Variants in CRIM1 observed in about 807,000 individuals in gnomAD.
CRIM1 encodes the protein cysteine rich transmembrane BMP regulator 1.
A neutral mutation model predicts 116.4 loss-of-function variants in CRIM1; 32 were observed. The ratio of observed to expected loss-of-function variants is 0.27; its 90% CI spans 0.21 to 0.37. CRIM1 has a LOEUF of 0.37. Among genes scored for constraint, CRIM1 ranks in the 10% least tolerant of loss-of-function variants. The pLI is 1.00. For missense variants in CRIM1, 1,331 were observed against 1,354.8 expected (o/e 0.98, Z 0.28); for synonymous variants, 590 against 509.2 (o/e 1.16, Z -2.13).
At chr2:36,505,876 G>T (rs1211771854) in intron 8 of CRIM1, among the ~76,000 whole-genome samples, 1 of 152,168 alleles carries the variant, frequency 6.6e-6, no homozygotes, top group Non-Finnish European at 1.5e-5. Flanking sequence ...CTGCCATGCA[G>T]TTCAAACACA....
chr2:36,517,273 G>A, intron 11 of CRIM1, 54 bp from the exon 12 acceptor site: 2 of 1,441,600 alleles, frequency 1.4e-6, no homozygotes, highest in Non-Finnish European at 2.0e-6. Context: ...AGGCTTTCAA[G>A]AGTTGGAAAG....
intron 2 of CRIM1, among the ~76,000 whole-genome samples, chr2:36,425,673 T>G (rs3770900): frequency 0.49 from 74,035 of 151,972 alleles, 18,489 homozygotes; most frequent in East Asian, 0.71. Flanking sequence ...GGTGACAAAT[T>G]CCATTATCAG....
intron 1 of CRIM1, among the ~76,000 whole-genome samples, chr2:36,368,660 T>A (rs188908780): frequency 1.8e-4 from 28 of 152,356 alleles, no homozygotes. Context: ...ATAAGTCTGC[T>A]GAATGTGAAA....
chr2:36,540,035 G>A (rs535054038), intron 14 of CRIM1, among the ~76,000 whole-genome samples: 43 of 152,252 alleles, frequency 2.8e-4, no homozygotes, highest in African/African-American at 9.9e-4. Flanking sequence ...GACTGAGCAG[G>A]TGCAGAGGGC....
At position 36,518,993 on chromosome 2, in the gene CRIM1, G is replaced by A. The variant is rs1354713335; in HGVS notation, c.2206+1451G>A. 2.6e-5 allele frequency among the ~76,000 whole-genome samples: 4 copies of A among 152,112 alleles called. No homozygotes were observed. The East Asian group carries it at 5.8e-4, about 22-fold the overall frequency. On this transcript the variant is annotated intron_variant, in intron 12 of 16. Transcript: ENST00000280527. The stretch of plus-strand genomic sequence containing the variant: ...AAAGCCAAACAATCCAATATTCCAC[G>A]TTAAGTCAATAATGATAAAGTAAGA...
In CRIM1 at chr2:36,510,078, C is replaced by T. The variant is rs754004072; in HGVS notation, c.1597C>T (p.Arg533Cys). Residue 533 changes from arginine to cysteine, a missense_variant, in exon 9 of 17, where the codon CGC becomes TGC. Arg to Cys is a radical substitution (Grantham distance 180). Around this residue, in one of 3 missense-constraint regions of CRIM1, gnomAD observed 358 missense variants for 436.1 expected, o/e 0.82. Coordinates refer to ENST00000280527, the MANE Select transcript of CRIM1 (RefSeq NM_016441.3). Reference protein sequence around the residue: ...DAQNCEICECRPRPKKCRPII... With the variant: ...DAQNCEICECCPRPKKCRPII... The stretch of plus-strand genomic sequence containing the variant: ...CCAAAACTGTGAGATCTGTGAGTGC[C>T]GCCCAAGGCCCAAGAAGTGCAGACC... The T allele has an allele frequency of 1.7e-5, 28 of 1,614,020 alleles. No individual in the cohort carries two copies. Among genetic ancestry groups the T allele is most frequent in the East Asian group, 2.2e-5 (1 of 44,890 alleles).
intron 5 of CRIM1, among the ~76,000 whole-genome samples, chr2:36,473,632 C>G (rs1032381264): frequency 6.6e-6 from 1 of 152,036 alleles, no homozygotes; most frequent in African/African-American, 2.4e-5. Context: ...AATACCTTGT[C>G]TTTTGTGACT....
At chr2:36,374,076 A>G (rs1291487957) in intron 1 of CRIM1, among the ~76,000 whole-genome samples, 1 of 152,222 alleles carries the variant, frequency 6.6e-6, no homozygotes, top group Non-Finnish European at 1.5e-5. Flanking sequence ...ATAGTTGCTG[A>G]TGTCCTACCC....
In CRIM1 at chr2:36,435,330, C is replaced by CTGTGTGTG. The variant is rs111252647; in HGVS notation, c.506-5915_506-5908dup. ...TGTCTCAGGATGGCTGTGTATCTCACTGTGTGTGTGTGTGTGTGTGAGTGA... is the reference window on the plus strand; with the variant it reads ...TGTCTCAGGATGGCTGTGTATCTCACTGTGTGTGTGTGTGTGTGTGTGTGTGTGAGTGA... On this transcript the variant is annotated intron_variant, in intron 2 of 16. Coordinates refer to ENST00000280527, the MANE Select transcript of CRIM1 (RefSeq NM_016441.3). 7.1e-3 allele frequency among the ~76,000 whole-genome samples: 1,064 copies of CTGTGTGTG among 149,940 alleles called. 8 individuals are homozygous for CTGTGTGTG. The highest frequency in any genetic ancestry group is 0.027 in the East Asian group (138 of 5,062).
At chr2:36,383,286 A>G (rs1026009934) in intron 1 of CRIM1, among the ~76,000 whole-genome samples, 5 of 152,246 alleles carry the variant, frequency 3.3e-5, no homozygotes, top group Admixed American at 2.6e-4. Context: ...GTAAAAATCT[A>G]TAAAAAATTT....
chr2:36,403,514 A>G (rs867438789), intron 2 of CRIM1, among the ~76,000 whole-genome samples: 1 of 152,152 alleles, frequency 6.6e-6, no homozygotes, highest in African/African-American at 2.4e-5. Context: ...AAATTTGTTG[A>G]TTGGCTCAGC....
At chr2:36,410,245 T>C (rs1206007139) in intron 2 of CRIM1, among the ~76,000 whole-genome samples, 2 of 152,226 alleles carry the variant, frequency 1.3e-5, no homozygotes, top group Non-Finnish European at 2.9e-5. Flanking sequence ...TACACTTCAT[T>C]ATTCTTTTCT....
intron 14 of CRIM1, among the ~76,000 whole-genome samples, chr2:36,543,587 G>C (rs1035216184): frequency 6.6e-6 from 1 of 152,040 alleles, no homozygotes; most frequent in Non-Finnish European, 1.5e-5. Context: ...TTTGAAAACA[G>C]GTTCTGAAGA....
At chr2:36,474,191 T>G (rs929556793) in intron 5 of CRIM1, among the ~76,000 whole-genome samples, 4 of 152,224 alleles carry the variant, frequency 2.6e-5, no homozygotes, top group African/African-American at 9.6e-5. Context: ...TAGATTATTT[T>G]TATCGTTTAA....
At chr2:36,495,718 T>G (rs1046666315) in intron 7 of CRIM1, among the ~76,000 whole-genome samples, 1 of 152,052 alleles carries the variant, frequency 6.6e-6, no homozygotes, top group African/African-American at 2.4e-5. Context: ...CATAAGAAAT[T>G]GAATCTCAGT....
rs1191448142 is a variant in CRIM1 at position 36,506,157 on chromosome 2, ACTCT to A, written c.1502-3804_1502-3801del. 3.0e-3 allele frequency among the ~76,000 whole-genome samples: 376 copies of A among 125,190 alleles called. 2 individuals are homozygous for A. In the East Asian group the frequency reaches 0.031, roughly 10 times the overall value. The allele number at this position is 125,190 out of a possible 152,430, so 82.1% of individuals were successfully genotyped here. A position where few individuals can be genotyped will look rare whatever the true frequency, so the allele number is the denominator to read the frequency against. On this transcript the variant is annotated intron_variant, in intron 8 of 16. Transcript: ENST00000280527. ...TGCACACACACACACACACACACAC[ACTCT>A]CTCTCTCTCTCTCTCTCTCTCACAC... is the stretch of plus-strand genomic sequence containing the variant.
intron 1 of CRIM1, among the ~76,000 whole-genome samples, chr2:36,371,558 C>T (rs867165216): frequency 6.6e-6 from 1 of 152,200 alleles, no homozygotes; most frequent in Non-Finnish European, 1.5e-5. Flanking sequence ...AGTGAGAAGC[C>T]ATAGCATTGC....
intron 2 of CRIM1, among the ~76,000 whole-genome samples, chr2:36,412,698 G>C (rs984001946): frequency 4.0e-5 from 6 of 151,892 alleles, no homozygotes; most frequent in African/African-American, 1.5e-4. Context: ...TGTTAAATTT[G>C]ATATACAAAA....
At chr2:36,407,615 G>A (rs1384461522) in intron 2 of CRIM1, among the ~76,000 whole-genome samples, 1 of 151,586 alleles carries the variant, frequency 6.6e-6, no homozygotes, top group Non-Finnish European at 1.5e-5. Context: ...TTGGAGAGGA[G>A]CAGTTGTTGG....
Sources: gnomAD v4.1 joint callset for allele counts (sites outside exome capture counted in the v4.1 genomes callset) on GRCh38, gnomAD v4.1.1 for gene constraint, gnomAD v4.1.1 regional missense constraint, MANE v1.5 for transcripts, NCBI Gene and HGNC (gene_info 2026-07-23, HGNC 2026-07-21) for gene names.